The following MAF variants were observed in gnomAD, a reference collection of about 807,000 sequenced individuals.
MAF encodes the protein transcription factor Maf.
In MAF, 10 loss-of-function variants were observed where a neutral mutation model predicts 22.0. The ratio of observed to expected loss-of-function variants is 0.45; its 90% CI spans 0.28 to 0.77. The LOEUF is 0.77. Ranked by LOEUF, MAF falls within the 30% of genes least tolerant of loss-of-function variation. MAF has a pLI of 0.12. For synonymous variants in MAF, 337 were observed against 255.8 expected (o/e 1.32, Z -3.03); for missense variants, 544 against 548.4 (o/e 0.99, Z 0.08).
chr16:79,514,050 T>C, the MAF span, among the ~76,000 whole-genome samples: 2 of 152,196 alleles, frequency 1.3e-5, no homozygotes, highest in African/African-American at 4.8e-5. Flanking sequence ...ATTTTATCCC[T>C]CCTTCCCCTA....
intron 1 of MAF, 102 bp downstream of exon 1, chr16:79,598,683 G>A (rs1017972674): frequency 1.4e-5 from 22 of 1,564,510 alleles, no homozygotes; most frequent in Non-Finnish European, 1.7e-5. Flanking sequence ...GGGTGGTGAG[G>A]TGGTGGCGAG....
the MAF span, among the ~76,000 whole-genome samples, chr16:79,220,277 T>TAA: frequency 1.0e-5 from 1 of 96,124 alleles, no homozygotes; most frequent in African/African-American, 3.4e-5. Flanking sequence ...AAAAAAAAGT[T>TAA]AAAGTTAAAA....
the MAF span, among the ~76,000 whole-genome samples, chr16:79,224,334 A>C: frequency 6.6e-6 from 1 of 152,210 alleles, no homozygotes; most frequent in Non-Finnish European, 1.5e-5. Flanking sequence ...AACTCTCAAT[A>C]AACTAGGTAT....
chr16:79,211,925 C>A, the MAF span: 6 of 1,539,674 alleles, frequency 3.9e-6, no homozygotes, highest in African/African-American at 6.8e-5. Flanking sequence ...TAAGAGCAGT[C>A]ACAACAGAGT....
At chr16:79,300,213 GACA>G in the MAF span, among the ~76,000 whole-genome samples, 1 of 152,172 alleles carries the variant, frequency 6.6e-6, no homozygotes, top group South Asian at 2.1e-4. Flanking sequence ...ATTAAAAATA[GACA>G]ACATTTATTG....
At chr16:79,551,360 T>C in the MAF span, among the ~76,000 whole-genome samples, 2 of 152,146 alleles carry the variant, frequency 1.3e-5, no homozygotes, top group African/African-American at 2.4e-5. Context: ...TATGGAGTCT[T>C]TCACTTTCCT....
the MAF span, among the ~76,000 whole-genome samples, chr16:79,470,997 C>T: frequency 2.0e-5 from 3 of 152,316 alleles, no homozygotes; most frequent in South Asian, 6.2e-4. Flanking sequence ...CTACCATCAT[C>T]GTCATGTTCA....
chr16:79,580,520 A>C, the MAF span, among the ~76,000 whole-genome samples: 7 of 152,214 alleles, frequency 4.6e-5, no homozygotes, highest in Admixed American at 1.3e-4. Flanking sequence ...TCGAAGATGC[A>C]GAGACAGTAC....
the MAF span, among the ~76,000 whole-genome samples, chr16:79,234,856 A>T: frequency 6.6e-6 from 1 of 152,088 alleles, no homozygotes; most frequent in Non-Finnish European, 1.5e-5. Flanking sequence ...CTTACTTTGC[A>T]GTGGGATAGG....
the MAF span, among the ~76,000 whole-genome samples, chr16:79,543,888 G>A: frequency 6.6e-6 from 1 of 151,692 alleles, no homozygotes; most frequent in African/African-American, 2.4e-5. Context: ...GGGTTTCATC[G>A]TTTTAGCCAA....
the MAF span, among the ~76,000 whole-genome samples, chr16:79,464,340 G>A: frequency 6.6e-6 from 1 of 152,140 alleles, no homozygotes; most frequent in Non-Finnish European, 1.5e-5. Flanking sequence ...AGGGGCCTGA[G>A]GACCTCAGCT....
At chr16:79,431,947 C>T in the MAF span, among the ~76,000 whole-genome samples, 4 of 152,172 alleles carry the variant, frequency 2.6e-5, no homozygotes, top group African/African-American at 9.7e-5. Flanking sequence ...GTAGTTCCCC[C>T]ATATCCACTG....
the MAF span, among the ~76,000 whole-genome samples, chr16:79,216,401 G>GA: frequency 1.3e-5 from 2 of 152,290 alleles, no homozygotes; most frequent in South Asian, 4.1e-4. Context: ...CCTAACTCAT[G>GA]ATGGTTTGAC....
Position 79,599,117 on chromosome 16 carries a change from G to C in MAF, c.786C>G (p.Ser262=), listed in dbSNP as rs748602255. 1.3e-6 allele frequency: 2 copies of C among 1,597,596 alleles called. No individual in the cohort carries two copies. The highest frequency in any genetic ancestry group is 1.3e-5 in the African/African-American group (1 of 74,662). The part of the protein sequence containing the change: ...AGGLHFDDRF[S]DEQLVTMSVR... ...CAGACATGGTCACCAGCTGCTCGTC[G>C]GAGAAGCGGTCGTCGAAGTGCAGGC... Residue 262 remains serine, a synonymous_variant, in exon 1 of 2, where the codon TCC becomes TCG. Transcript: ENST00000326043.
At chr16:79,467,185 A>T in the MAF span, among the ~76,000 whole-genome samples, 2 of 151,832 alleles carry the variant, frequency 1.3e-5, no homozygotes, top group South Asian at 2.1e-4. Flanking sequence ...TTCCCTTCTT[A>T]CTTGTTCCTC....
chr16:79,471,989 G>T, the MAF span, among the ~76,000 whole-genome samples: 1 of 152,130 alleles, frequency 6.6e-6, no homozygotes, highest in Non-Finnish European at 1.5e-5. Flanking sequence ...TTCTAGTTAG[G>T]AAAGACTCCA....
chr16:79,522,113 C>T, the MAF span, among the ~76,000 whole-genome samples: 1 of 152,036 alleles, frequency 6.6e-6, no homozygotes, highest in Non-Finnish European at 1.5e-5. Context: ...CTGGGGTGGA[C>T]AGAGAAACCA....
the MAF span, among the ~76,000 whole-genome samples, chr16:79,403,697 T>C: frequency 1.3e-5 from 2 of 152,214 alleles, no homozygotes; most frequent in Admixed American, 6.5e-5. Flanking sequence ...CTTGGTCTCC[T>C]ATATGGACTA....
At chr16:79,320,165 T>C in the MAF span, among the ~76,000 whole-genome samples, 1 of 152,124 alleles carries the variant, frequency 6.6e-6, no homozygotes, top group Non-Finnish European at 1.5e-5. Context: ...CATATGTGGA[T>C]TTTCTTTGGG....
Sources: gnomAD v4.1 joint callset for allele counts (sites outside exome capture counted in the v4.1 genomes callset) on GRCh38, gnomAD v4.1.1 for gene constraint, MANE v1.5 for transcripts, NCBI Gene and HGNC (gene_info 2026-07-23, HGNC 2026-07-21) for gene names.